The following UBAC1 variants were observed in gnomAD, a reference collection of about 807,000 sequenced individuals.
UBAC1 encodes the protein UBA domain containing 1, also known as ubiquitin-associated domain-containing protein 1.
In UBAC1, 27 loss-of-function variants were observed where a neutral mutation model predicts 45.9. That is an observed-to-expected ratio of 0.59 (90% CI 0.43 to 0.81). The LOEUF is 0.81. UBAC1 is among the 30% of genes least tolerant of loss of function. The pLI is 0.00. For missense variants in UBAC1, 529 were observed against 539.2 expected (o/e 0.98, Z 0.19); for synonymous variants, 227 against 215.5 (o/e 1.05, Z -0.47).
chr9:135,934,197 C>T (rs1305094454), intron 9 of UBAC1, among the ~76,000 whole-genome samples: 1 of 152,168 alleles, frequency 6.6e-6, no homozygotes, highest in African/African-American at 2.4e-5. Context: ...TCTACAGGCT[C>T]CAGGGACAGT....
intron 3 of UBAC1, among the ~76,000 whole-genome samples, chr9:135,950,484 G>C (rs974090091): frequency 6.6e-6 from 1 of 152,144 alleles, no homozygotes; most frequent in African/African-American, 2.4e-5. Context: ...AAAAATCAGC[G>C]ATAAGCCTAT....
Position 135,961,103 on chromosome 9 carries a change from C to A in UBAC1, c.60G>T (p.Ala20=). The change falls in exon 1 of 10, where the codon GCG becomes GCT. Residue 20 remains alanine, a synonymous_variant. Transcript: ENST00000371756. ...AGKVLRLHIC[A]SDGAEWLEEA... is the part of the protein sequence containing the mutation. ...CCTCCAGCCACTCGGCGCCGTCGGA[C>A]GCGCAGATGTGCAGCCGCAGCACCT... 6.3e-7 allele frequency: 1 copy of A among 1,590,168 alleles called. No homozygotes were observed. Among genetic ancestry groups the A allele is most frequent in the East Asian group, 2.4e-5 (1 of 42,472 alleles).
intron 7 of UBAC1, among the ~76,000 whole-genome samples, chr9:135,944,685 A>C (rs868698608): frequency 8.5e-5 from 13 of 152,340 alleles, no homozygotes; most frequent in African/African-American, 3.1e-4. Flanking sequence ...GAGGCTGCCG[A>C]ACAGGGGGGG....
At chr9:135,940,240 T>C (rs916203622) in intron 7 of UBAC1, among the ~76,000 whole-genome samples, 2 of 151,524 alleles carry the variant, frequency 1.3e-5, no homozygotes, top group Admixed American at 6.6e-5. Context: ...AAAATGCCAT[T>C]GTAACCTGTG....
intron 6 of UBAC1, chr9:135,945,679 G>A (rs1190924695): frequency 8.6e-6 from 5 of 582,720 alleles, no homozygotes; most frequent in Non-Finnish European, 1.2e-5. Flanking sequence ...CTCATACAAC[G>A]GCCCAAAGAG....
At chr9:135,958,026 T>C (rs1046124711) in intron 1 of UBAC1, among the ~76,000 whole-genome samples, 3 of 148,452 alleles carry the variant, frequency 2.0e-5, no homozygotes, top group African/African-American at 5.0e-5. Context: ...CCAAAAACTC[T>C]ACTGCACCAC....
intron 3 of UBAC1, among the ~76,000 whole-genome samples, chr9:135,951,691 C>T (rs948389274): frequency 6.6e-6 from 1 of 150,818 alleles, no homozygotes; most frequent in African/African-American, 2.4e-5. Flanking sequence ...GCACTTGTAA[C>T]CCCAGCTACT....
At chr9:135,953,191 G>A (rs913819004) in intron 3 of UBAC1, among the ~76,000 whole-genome samples, 7 of 152,308 alleles carry the variant, frequency 4.6e-5, no homozygotes, top group African/African-American at 1.4e-4. Flanking sequence ...GGACTGACAC[G>A]GATTAAACAG....
chr9:135,934,613 T>C (rs901472146), intron 9 of UBAC1, among the ~76,000 whole-genome samples: 2 of 152,158 alleles, frequency 1.3e-5, no homozygotes, highest in Non-Finnish European at 2.9e-5. Flanking sequence ...TGAGCCGAGA[T>C]TGCGCCACTG....
intron 9 of UBAC1, among the ~76,000 whole-genome samples, chr9:135,935,793 G>A (rs61532150): frequency 0.16 from 24,899 of 152,142 alleles, 2,162 homozygotes; most frequent in South Asian, 0.26. Flanking sequence ...TTGGGAGGCC[G>A]AGACGGGCGG....
Position 135,940,318 on chromosome 9 carries a change from A to G in UBAC1, c.877-559T>C, listed in dbSNP as rs542955553. ...CCTAGGGCCGGGCGCGGTGGCTCAC[A>G]CCTGTAATCCCAGCACTTTGGGAGG... On this transcript the variant is annotated intron_variant, in intron 7 of 9. Coordinates refer to ENST00000371756, the MANE Select transcript of UBAC1 (RefSeq NM_016172.3). Among the ~76,000 whole-genome samples, 335 of 151,918 alleles carry G rather than the reference A, an allele frequency of 2.2e-3. 4 individuals are homozygous for G. Among genetic ancestry groups the G allele is most frequent in the East Asian group, 1.2e-3 (6 of 5,160 alleles).
rs1345912179 is a variant in UBAC1, at chr9:135,961,176, C to A, written c.-14G>T. The A allele has an allele frequency of 1.3e-6, 2 of 1,525,982 alleles. No individual in the cohort carries two copies. Among genetic ancestry groups the A allele is most frequent in the Non-Finnish European group, 1.7e-6 (2 of 1,144,432 alleles). The allele number at this position is 1,525,982 out of a possible 1,614,324, so 94.5% of individuals were successfully genotyped here. On this transcript the variant is annotated 5_prime_UTR_variant, in exon 1 of 10. Transcript: ENST00000371756. ...CTGCACGAACATCCCGCCGCCGCCG[C>A]AGGGGCCTGCGCCCGCCACCCGGGC...
intron 9 of UBAC1, 148 bp downstream of exon 9, chr9:135,938,074 T>TGCCAACCTGCATGGCAGGAC (rs1839220405): frequency 2.3e-6 from 3 of 1,285,048 alleles, no homozygotes; most frequent in Admixed American, 4.5e-5. Flanking sequence ...ACCCGCAGGA[T>TGCCAACCTGCATGGCAGGAC]GCCAACCTGC....
At chr9:135,946,207 C>T in intron 5 of UBAC1, 62 bp downstream of exon 5, 1 of 1,246,882 alleles carries the variant, frequency 8.0e-7, no homozygotes, top group Non-Finnish European at 1.2e-6. Flanking sequence ...CGTGGAGCTG[C>T]AGACGCTCCC....
rs751769479 is a variant in UBAC1, at chr9:135,953,784, C to A, written c.260-31G>T. ...AAAAACAACACGTATATCCAACACACTGGTTATCACTTCATATCCACAAAA... is the reference window on the plus strand; with the variant it reads ...AAAAACAACACGTATATCCAACACAATGGTTATCACTTCATATCCACAAAA... On this transcript the variant is annotated intron_variant, in intron 2 of 9. Transcript: ENST00000371756. The A allele has an allele frequency of 3.1e-6, 5 of 1,587,872 alleles. No homozygotes were observed. In the Admixed American group the frequency reaches 8.4e-5, roughly 27 times the overall value.
At chr9:135,936,861 G>A (rs113480786) in intron 9 of UBAC1, among the ~76,000 whole-genome samples, 17 of 152,244 alleles carry the variant, frequency 1.1e-4, no homozygotes, top group Non-Finnish European at 1.6e-4. Flanking sequence ...ATCAAAACAC[G>A]GGATTCTGCC....
intron 1 of UBAC1, among the ~76,000 whole-genome samples, chr9:135,955,979 C>CA (rs1221164618): frequency 6.6e-6 from 1 of 152,212 alleles, no homozygotes; most frequent in Non-Finnish European, 1.5e-5. Context: ...CTTAGCATGA[C>CA]TGCTCTCGGC....
At chr9:135,955,010 G>A (rs1471612780) in intron 2 of UBAC1, among the ~76,000 whole-genome samples, 1 of 152,168 alleles carries the variant, frequency 6.6e-6, no homozygotes, top group Non-Finnish European at 1.5e-5. Flanking sequence ...AGAACCCCTG[G>A]AGTCTCTGGC....
intron 1 of UBAC1, among the ~76,000 whole-genome samples, chr9:135,957,121 CA>C (rs1333958664): frequency 6.6e-5 from 10 of 152,186 alleles, no homozygotes; most frequent in African/African-American, 2.4e-4. Flanking sequence ...CTGGCATTTT[CA>C]GAGTAACTGG....
Sources: allele counts gnomAD v4.1 joint callset (sites outside exome capture counted in the v4.1 genomes callset), GRCh38; gene constraint gnomAD v4.1.1; transcripts MANE v1.5; gene names NCBI Gene and HGNC (gene_info 2026-07-23, HGNC 2026-07-21).